The following FGGY variants were observed in gnomAD, a reference collection of about 807,000 sequenced individuals.
FGGY encodes the protein FGGY carbohydrate kinase domain containing.
In FGGY, 72 loss-of-function variants were observed where a neutral mutation model predicts 71.3. That is an observed-to-expected ratio of 1.01 (90% CI 0.84 to 1.23). The LOEUF is 1.23. Among genes scored for constraint, FGGY ranks in the 50% most tolerant of loss-of-function variants. The pLI, the probability that FGGY is intolerant of heterozygous loss-of-function variation, is 0.00. For missense variants in FGGY, 668 were observed against 682.3 expected (o/e 0.98, Z 0.23); for synonymous variants, 251 against 250.3 (o/e 1.00, Z -0.02).
chr1:59,490,420 T>C (rs4258244), intron 6 of FGGY, among the ~76,000 whole-genome samples: 77,816 of 151,924 alleles, frequency 0.51, 20,554 homozygotes, highest in African/African-American at 0.64. Flanking sequence ...GATATTAATG[T>C]CTTGACCAAT....
At chr1:59,360,952 G>A (rs2055389692) in intron 4 of FGGY, among the ~76,000 whole-genome samples, 1 of 152,182 alleles carries the variant, frequency 6.6e-6, no homozygotes, top group Non-Finnish European at 1.5e-5. Flanking sequence ...AGCCTGTGCT[G>A]TTTCTACAGC....
At chr1:59,551,936 A>G (rs2095614337) in intron 7 of FGGY, among the ~76,000 whole-genome samples, 1 of 152,220 alleles carries the variant, frequency 6.6e-6, no homozygotes, top group Non-Finnish European at 1.5e-5. Context: ...TCACTCAGCA[A>G]AACACAAACC....
At chr1:59,340,108 C>T in intron 3 of FGGY, 39 bp downstream of exon 3, 1 of 1,445,114 alleles carries the variant, frequency 6.9e-7, no homozygotes, top group Non-Finnish European at 9.6e-7. Context: ...TGGTGGGATA[C>T]TTGGCTGATT....
At chr1:59,653,547 C>T (rs910444986) in intron 11 of FGGY, among the ~76,000 whole-genome samples, 5 of 152,288 alleles carry the variant, frequency 3.3e-5, no homozygotes, top group East Asian at 3.9e-4. Flanking sequence ...TTCTTTGACT[C>T]GGAAAGGGAA....
intron 9 of FGGY, among the ~76,000 whole-genome samples, chr1:59,610,757 T>A (rs998164126): frequency 6.6e-6 from 1 of 152,214 alleles, no homozygotes; most frequent in Admixed American, 6.5e-5. Flanking sequence ...GAATTCCCTT[T>A]CCTAGCCAAG....
At chr1:59,584,387 T>C (rs1238707195) in intron 8 of FGGY, among the ~76,000 whole-genome samples, 1 of 149,832 alleles carries the variant, frequency 6.7e-6, no homozygotes, top group African/African-American at 2.5e-5. Context: ...ATAAACATAA[T>C]CCAGCATATA....
chr1:59,504,409 C>T (rs764390381), intron 6 of FGGY, among the ~76,000 whole-genome samples: 17 of 152,100 alleles, frequency 1.1e-4, no homozygotes, highest in Non-Finnish European at 2.1e-4. Context: ...GTGTCTGGTG[C>T]GTGGGGTTGG....
intron 5 of FGGY, among the ~76,000 whole-genome samples, chr1:59,452,198 C>T (rs2072907673): frequency 6.6e-6 from 1 of 151,838 alleles, no homozygotes; most frequent in South Asian, 2.1e-4. Context: ...TCTCTTCCAT[C>T]ATTATGTCAA....
At chr1:59,510,063 A>C (rs2094483611) in intron 6 of FGGY, among the ~76,000 whole-genome samples, 1 of 147,454 alleles carries the variant, frequency 6.8e-6, no homozygotes, top group South Asian at 2.1e-4. Context: ...TTTAACATAC[A>C]TAATGCTTGT....
At chr1:59,331,030 A>G (rs1287351374) in intron 2 of FGGY, among the ~76,000 whole-genome samples, 1 of 151,884 alleles carries the variant, frequency 6.6e-6, no homozygotes. Flanking sequence ...CTTGACCAGG[A>G]TATGTTCTCT....
intron 5 of FGGY, among the ~76,000 whole-genome samples, chr1:59,407,970 AGG>A (rs2063013680): frequency 6.6e-6 from 1 of 152,210 alleles, no homozygotes; most frequent in South Asian, 2.1e-4. Flanking sequence ...ATCACAGGAA[AGG>A]TACTCTTTAC....
chr1:59,369,259 T>C (rs1173709856), intron 4 of FGGY, among the ~76,000 whole-genome samples: 1 of 152,162 alleles, frequency 6.6e-6, no homozygotes, highest in Non-Finnish European at 1.5e-5. Context: ...CAGGAGATTA[T>C]ATCCTGCACA....
chr1:59,576,629 G>T (rs2096079934), intron 8 of FGGY, among the ~76,000 whole-genome samples: 1 of 151,486 alleles, frequency 6.6e-6, no homozygotes, highest in Admixed American at 6.6e-5. Flanking sequence ...AATTTTTCCA[G>T]TGAGAGTGAT....
At chr1:59,540,143 C>A (rs543723674) in intron 7 of FGGY, among the ~76,000 whole-genome samples, 222 of 152,180 alleles carry the variant, frequency 1.5e-3, no homozygotes, top group Non-Finnish European at 2.6e-3. Context: ...TATCAAACAC[C>A]TGAAATGCTC....
chr1:59,396,448 T>C (rs2061336185), intron 5 of FGGY, among the ~76,000 whole-genome samples: 2 of 152,242 alleles, frequency 1.3e-5, no homozygotes, highest in East Asian at 1.9e-4. Context: ...TTAAAAAATA[T>C]AGTACCTCCT....
At chr1:59,600,735 C>G (rs1349564878) in intron 8 of FGGY, among the ~76,000 whole-genome samples, 2 of 152,130 alleles carry the variant, frequency 1.3e-5, no homozygotes, top group African/African-American at 4.8e-5. Context: ...ATGAGATGAT[C>G]CCCATCGACA....
chr1:59,322,351 G>A (rs887041213), intron 2 of FGGY, among the ~76,000 whole-genome samples: 2 of 149,724 alleles, frequency 1.3e-5, no homozygotes, highest in African/African-American at 4.9e-5. Context: ...GGTTACGTAA[G>A]TTCTTTAGTG....
chr1:59,709,211 C>T (rs922522772), intron 14 of FGGY, among the ~76,000 whole-genome samples: 1 of 152,110 alleles, frequency 6.6e-6, no homozygotes, highest in Non-Finnish European at 1.5e-5. Context: ...GGGGAGGCCG[C>T]AGGAAACTTA....
chr1:59,531,416 G>A (rs1272221163), intron 7 of FGGY, among the ~76,000 whole-genome samples: 1 of 151,780 alleles, frequency 6.6e-6, no homozygotes, highest in Non-Finnish European at 1.5e-5. Context: ...ACAATGGGCT[G>A]TCCTCTTGGT....
Sources: gnomAD v4.1 joint callset for allele counts (sites outside exome capture counted in the v4.1 genomes callset) on GRCh38, gnomAD v4.1.1 for gene constraint, MANE v1.5 for transcripts, NCBI Gene and HGNC (gene_info 2026-07-23, HGNC 2026-07-21) for gene names.